Variants in RBFOX1 observed in about 807,000 individuals in gnomAD.
The protein encoded by RBFOX1 is RNA binding fox-1 homolog 1.
RBFOX1 carries 8 observed loss-of-function variants against 57.7 expected under a neutral mutation model. The observed-to-expected ratio is 0.14, with a 90% confidence interval of 0.08 to 0.25. The LOEUF is 0.25. Among genes scored for constraint, RBFOX1 ranks in the 10% least tolerant of loss-of-function variants. RBFOX1 has a pLI of 1.00. For missense variants in RBFOX1, 611 were observed against 548.5 expected, an observed-to-expected ratio of 1.11 and a Z score of -1.14; for synonymous variants, 326 against 222.4, an observed-to-expected ratio of 1.47 and a Z score of -4.15.
rs143430254 is a variant in RBFOX1, at chr16:6,490,460, A to G, written c.-63-164143A>G. Among the ~76,000 whole-genome samples the G allele has an allele frequency of 4.9e-3, 746 of 152,292 alleles. 25 individuals are homozygous for G. In the East Asian group the frequency reaches 0.099, roughly 20 times the overall value. On this transcript the variant is annotated intron_variant, in intron 2 of 15. Coordinates refer to ENST00000550418, the MANE Select transcript of RBFOX1 (RefSeq NM_018723.4). ...AATACAAGCCACCGTGGTGGGAAAT[A>G]CAGGTCTGACAGGCGTCCATTTCAT...
intron 3 of RBFOX1, among the ~76,000 whole-genome samples, chr16:7,022,801 A>T (rs761295398): frequency 6.6e-6 from 1 of 152,188 alleles, no homozygotes; most frequent in Non-Finnish European, 1.5e-5. Context: ...GACAAGTTCT[A>T]TTCTTATTGA....
chr16:7,165,401 A>AATAATAATAATC (rs1395198331), intron 4 of RBFOX1, among the ~76,000 whole-genome samples: 1 of 147,314 alleles, frequency 6.8e-6, no homozygotes, highest in Non-Finnish European at 1.5e-5. Context: ...TAATAATAAT[A>AATAATAATAATC]ATAATAATGA....
At chr16:6,956,130 A>C (rs1254397543) in intron 3 of RBFOX1, among the ~76,000 whole-genome samples, 2 of 152,128 alleles carry the variant, frequency 1.3e-5, no homozygotes, top group Non-Finnish European at 2.9e-5. Flanking sequence ...GGAGTTGTAA[A>C]TGGGACCTGG....
intron 1 of RBFOX1, among the ~76,000 whole-genome samples, chr16:6,091,657 C>G (rs899578916): frequency 6.6e-6 from 1 of 152,110 alleles, no homozygotes; most frequent in African/African-American, 2.4e-5. Flanking sequence ...TGGGGAAACC[C>G]CATCTTTACT....
At chr16:6,941,130 A>T (rs1055081467) in intron 3 of RBFOX1, among the ~76,000 whole-genome samples, 6 of 152,014 alleles carry the variant, frequency 3.9e-5, no homozygotes, top group African/African-American at 1.4e-4. Context: ...TTTCAAGTCT[A>T]CTGGGATATG....
intron 1 of RBFOX1, among the ~76,000 whole-genome samples, chr16:5,443,664 T>C (rs1268552693): frequency 6.6e-6 from 1 of 152,220 alleles, no homozygotes; most frequent in Non-Finnish European, 1.5e-5. Context: ...ACCACTCTAA[T>C]TTTTATGCCT....
At chr16:7,208,116 A>G (rs1163444570) in intron 4 of RBFOX1, among the ~76,000 whole-genome samples, 3 of 152,212 alleles carry the variant, frequency 2.0e-5, no homozygotes, top group African/African-American at 7.2e-5. Flanking sequence ...GAAAAGCTGG[A>G]GATGGCTGTT....
intron 3 of RBFOX1, among the ~76,000 whole-genome samples, chr16:5,866,385 A>G (rs2057343886): frequency 6.6e-6 from 1 of 152,228 alleles, no homozygotes; most frequent in Admixed American, 6.5e-5. Context: ...AGTGGGGGTT[A>G]GGGGTTCATT....
At chr16:5,539,557 T>A (rs1038226184) in intron 2 of RBFOX1, among the ~76,000 whole-genome samples, 4 of 151,854 alleles carry the variant, frequency 2.6e-5, no homozygotes, top group Non-Finnish European at 5.9e-5. Context: ...GCCAAGATCG[T>A]ACCACTGCAC....
chr16:7,309,755 G>A (rs1453201472), intron 4 of RBFOX1, among the ~76,000 whole-genome samples: 3 of 152,188 alleles, frequency 2.0e-5, no homozygotes, highest in Admixed American at 6.5e-5. Flanking sequence ...GGAAGGGAAC[G>A]AAATTGCAGC....
chr16:7,502,292 C>G (rs1430677517), intron 4 of RBFOX1, among the ~76,000 whole-genome samples: 1 of 151,748 alleles, frequency 6.6e-6, no homozygotes, highest in Non-Finnish European at 1.5e-5. Context: ...AAGAGGGAAC[C>G]ATTAAAGATA....
At chr16:6,300,387 A>G (rs149927340) in intron 1 of RBFOX1, among the ~76,000 whole-genome samples, 104 of 152,354 alleles carry the variant, frequency 6.8e-4, no homozygotes, top group Non-Finnish European at 1.1e-3. Context: ...TAGCCATTCC[A>G]CAGTGTATAC....
At chr16:6,727,047 C>T (rs937663627) in intron 3 of RBFOX1, among the ~76,000 whole-genome samples, 1 of 12,942 alleles carries the variant, frequency 7.7e-5, no homozygotes, top group South Asian at 8.9e-3. Flanking sequence ...GGTATTTGGA[C>T]TGAACACACA....
chr16:6,156,295 C>T (rs775789177), intron 1 of RBFOX1, among the ~76,000 whole-genome samples: 11 of 152,208 alleles, frequency 7.2e-5, no homozygotes, highest in African/African-American at 9.6e-5. Context: ...GCTAATGGAA[C>T]ATTGATTTTG....
At chr16:6,190,998 C>G (rs926732064) in intron 1 of RBFOX1, among the ~76,000 whole-genome samples, 1 of 152,036 alleles carries the variant, frequency 6.6e-6, no homozygotes. Flanking sequence ...CAGCCTCTCC[C>G]GATTCTGTCT....
intron 3 of RBFOX1, among the ~76,000 whole-genome samples, chr16:6,839,371 G>A (rs1010193459): frequency 6.6e-6 from 1 of 152,208 alleles, no homozygotes; most frequent in Non-Finnish European, 1.5e-5. Flanking sequence ...GGGCAGAAAG[G>A]CTGAGGTTAG....
At chr16:5,926,988 A>G (rs1005373264) in intron 4 of RBFOX1, among the ~76,000 whole-genome samples, 2 of 152,194 alleles carry the variant, frequency 1.3e-5, no homozygotes, top group African/African-American at 4.8e-5. Flanking sequence ...TAGCCATCAA[A>G]CCAGTGTCCC....
At chr16:5,741,254 G>C (rs1198632601) in intron 3 of RBFOX1, among the ~76,000 whole-genome samples, 1 of 152,110 alleles carries the variant, frequency 6.6e-6, no homozygotes, top group African/African-American at 2.4e-5. Flanking sequence ...CAATCAGTGG[G>C]GTCGCCCTGA....
At chr16:7,010,678 C>G (rs926670436) in intron 3 of RBFOX1, among the ~76,000 whole-genome samples, 1 of 152,116 alleles carries the variant, frequency 6.6e-6, no homozygotes, top group South Asian at 2.1e-4. Flanking sequence ...ATTCTCCTGC[C>G]TCAGCCTACC....
Sources: allele counts gnomAD v4.1 joint callset (sites outside exome capture counted in the v4.1 genomes callset), GRCh38; gene constraint gnomAD v4.1.1; transcripts MANE v1.5; gene names NCBI Gene and HGNC (gene_info 2026-07-23, HGNC 2026-07-21).